PITPNM1: variants seen among roughly 807,000 people sequenced by gnomAD.
The protein encoded by PITPNM1 is membrane-associated phosphatidylinositol transfer protein 1.
PITPNM1 carries 74 observed loss-of-function variants against 133.3 expected under a neutral mutation model. The ratio of observed to expected loss-of-function variants is 0.56; its 90% CI spans 0.46 to 0.67. The LOEUF (loss-of-function observed/expected upper bound fraction) is 0.67, where lower values mean the gene tolerates loss of function less well. Ranked by LOEUF, PITPNM1 falls within the 30% of genes least tolerant of loss-of-function variation. The probability of loss-of-function intolerance (pLI) is 0.00; values close to 1 mark genes in which losing one functional copy is unlikely to be tolerated. For missense variants in PITPNM1, 1,398 were observed against 1,739.5 expected (o/e 0.80, Z 3.49); for synonymous variants, 738 against 741.4 (o/e 1.00, Z 0.08).
At position 67,492,517 on chromosome 11, in the gene PITPNM1, C is replaced by T. The variant is rs535305907; in HGVS notation, c.3472-221G>A. 5.9e-5 allele frequency among the ~76,000 whole-genome samples: 9 copies of T among 152,354 alleles called. No individual in the cohort carries two copies. In the South Asian group the frequency reaches 1.2e-3, roughly 21 times the overall value. On this transcript the variant is annotated intron_variant, in intron 23 of 23. Transcript: ENST00000356404. ...CTTCTCTGGGCCTCAGTCTCCTCAT[C>T]TGGAAAATGGGGTCTTAGAGGAAAA...
chr11:67,501,858 TCACCTA>T lies in PITPNM1; in HGVS notation c.638_640+3del, dbSNP rs775620199. 6.2e-7 allele frequency: 1 copy of T among 1,613,114 alleles called. No individual in the cohort carries two copies. Among genetic ancestry groups the T allele is most frequent in the Non-Finnish European group, 8.5e-7 (1 of 1,179,550 alleles). On this transcript the variant is annotated splice_donor_variant and splice_donor_region_variant and coding_sequence_variant and intron_variant, in exon 5 of 24. Coordinates refer to ENST00000356404, the MANE Select transcript of PITPNM1 (RefSeq NM_004910.3). LOFTEE classifies it high-confidence loss of function. ...AGTGGGACCTCCCGCAGCTGGGTGC[TCACCTA>T]CATCATGGATGAACTGCTCGATCTT... is the stretch of plus-strand genomic sequence containing the variant.
intron 23 of PITPNM1, 63 bp from the exon 24 acceptor site, chr11:67,492,359 CGGTCCTCCAG>C: frequency 6.9e-7 from 1 of 1,459,090 alleles, no homozygotes; most frequent in East Asian, 2.4e-5. Context: ...CTGCCCTCCA[CGGTCCTCCAG>C]AGGCACCTGA....
rs748423785 is a variant in PITPNM1 at position 67,493,953 on chromosome 11, T to A, written c.2977A>T (p.Ile993Phe). The part of the protein sequence containing the change: ...FPVPPERALG[I>F]GVYPVRMVVR... ...ACCATGCGCACGGGGTAGACACCAA[T>A]GCCCAGCGCGCGTTCTGGGGGAACT... The change falls in exon 20 of 24, where the codon ATT (isoleucine) becomes TTT (phenylalanine). Residue 993 changes from isoleucine to phenylalanine, a missense_variant. Around this residue, in one of 5 missense-constraint regions of PITPNM1, gnomAD observed 233 missense variants for 378.0 expected, o/e 0.62. Transcript: ENST00000356404. 31 of 1,604,226 alleles carry A rather than the reference T, an allele frequency of 1.9e-5. No homozygotes were observed. The highest frequency in any genetic ancestry group is 2.6e-5 in the Non-Finnish European group (30 of 1,175,442).
intron 15 of PITPNM1, 121 bp downstream of exon 15, chr11:67,496,057 C>G (rs1866110168): frequency 1.0e-6 from 1 of 965,612 alleles, no homozygotes; most frequent in Non-Finnish European, 1.4e-6. Context: ...AGCGCCTGGT[C>G]CTGGGAGTGG....
rs1427105206 is a variant in PITPNM1 at position 67,501,910 on chromosome 11, G to A, written c.592C>T (p.Arg198Cys). 3 of 1,613,482 alleles carry A rather than the reference G, an allele frequency of 1.9e-6. No individual in the cohort carries two copies. The highest frequency in any genetic ancestry group is 1.3e-5 in the African/African-American group (1 of 74,928). Residue 198 changes from arginine to cysteine, a missense_variant, in exon 5 of 24, where the codon CGC becomes TGC. Arg to Cys is a radical substitution (Grantham distance 180). Coordinates refer to ENST00000356404, the MANE Select transcript of PITPNM1 (RefSeq NM_004910.3). Reference protein sequence around the residue: ...CAYKLCKVEFRYWGMQAKIEQ... With the variant: ...CAYKLCKVEFCYWGMQAKIEQ... ...ATCTTGGCTTGCATGCCCCAGTAGC[G>A]GAACTCAACCTTGCACAGCTTATAG...
intron 5 of PITPNM1, among the ~76,000 whole-genome samples, chr11:67,501,566 G>C (rs1866321832): frequency 6.6e-6 from 1 of 152,218 alleles, no homozygotes; most frequent in Non-Finnish European, 1.5e-5. Flanking sequence ...ACCTTCCTGA[G>C]TGTCTCTAAG....
chr11:67,495,462 T>C lies in PITPNM1; in HGVS notation c.2458A>G (p.Ser820Gly), dbSNP rs751517573. The change falls in exon 16 of 24, where the codon AGC (serine) becomes GGC (glycine). Residue 820 changes from serine to glycine, a missense_variant. Ser to Gly is a moderately conservative substitution (Grantham distance 56). Around this residue, in one of 5 missense-constraint regions of PITPNM1, gnomAD observed 574 missense variants for 698.7 expected, o/e 0.82. Coordinates refer to ENST00000356404, the MANE Select transcript of PITPNM1 (RefSeq NM_004910.3). ...CTCTTAACCACCTCACTGGTGGTGC[T>C]GGGGGCGGCTGGCTGGGCCGGGGGG... Reference protein sequence around the residue: ...TDPPAQPAAPSTTSEVVKILE... With the variant: ...TDPPAQPAAPGTTSEVVKILE... The C allele has an allele frequency of 1.9e-5, 29 of 1,539,184 alleles. No individual in the cohort carries two copies. The highest frequency in any genetic ancestry group is 2.4e-5 in the Non-Finnish European group (27 of 1,142,546).
chr11:67,502,251 T>G lies in PITPNM1; in HGVS notation c.415+41A>C, dbSNP rs1423377206. On this transcript the variant is annotated intron_variant, in intron 4 of 23. Coordinates refer to ENST00000356404, the MANE Select transcript of PITPNM1 (RefSeq NM_004910.3). The surrounding 1 kb of genome is among the most constrained non-coding windows in gnomAD (Gnocchi z 5.9). ...CTGCCCACTGAGGCAGCCAGGAGCCTGAGAGGGGCGCCAGGGTCCCCCCAT... is the reference window on the plus strand; with the variant it reads ...CTGCCCACTGAGGCAGCCAGGAGCCGGAGAGGGGCGCCAGGGTCCCCCCAT... 6.2e-7 allele frequency: 1 copy of G among 1,601,854 alleles called. No individual in the cohort carries two copies. Among genetic ancestry groups the G allele is most frequent in the Admixed American group, 1.7e-5 (1 of 59,302 alleles).
In PITPNM1 at chr11:67,492,991, G is replaced by C; in HGVS notation, c.3414C>G (p.Ser1138=). The C allele has an allele frequency of 1.2e-6, 2 of 1,612,982 alleles. No individual in the cohort carries two copies. Among genetic ancestry groups the C allele is most frequent in the Non-Finnish European group, 1.7e-6 (2 of 1,179,940 alleles). The change falls in exon 23 of 24, where the codon TCC becomes TCG. Residue 1138 remains serine (S), a synonymous_variant. Coordinates refer to ENST00000356404, the MANE Select transcript of PITPNM1 (RefSeq NM_004910.3). ...DVAVYAALGL[S]PSQTYIVGRA... ...GGCCCACGATGTAGGTCTGGCTCGG[G>C]GACAGCCCCAGCGCCGCGTATACAG... is the stretch of plus-strand genomic sequence containing the variant.
At position 67,502,064 on chromosome 11, in the gene PITPNM1, AT is replaced by A. The variant is rs1391388320; in HGVS notation, c.437del (p.Asp146ValfsTer68). ...RILDTIDIVR[D>X]AVAPGEYKAE... Reference sequence around the variant, plus strand: ...CTTTGTACTCGCCTGGGGCCACTGCATCCCGCACGATGTCGATGGTGTCTGA... The same window carrying A: ...CTTTGTACTCGCCTGGGGCCACTGCACCCGCACGATGTCGATGGTGTCTGA... On this transcript the variant is annotated frameshift_variant, in exon 5 of 24. Transcript: ENST00000356404. LOFTEE classifies it high-confidence loss of function. The surrounding 1 kb of genome is among the most constrained non-coding windows in gnomAD (Gnocchi z 5.9). 6.2e-7 allele frequency: 1 copy of A among 1,612,708 alleles called. No individual in the cohort carries two copies. Among genetic ancestry groups the A allele is most frequent in the Non-Finnish European group, 8.5e-7 (1 of 1,179,722 alleles).
chr11:67,495,860 G>A (rs79308709), intron 15 of PITPNM1, among the ~76,000 whole-genome samples: 8,020 of 152,312 alleles, frequency 0.053, 703 homozygotes, highest in African/African-American at 0.18. Context: ...GGCATGCCCC[G>A]CAATAAATGT....
At chr11:67,494,457 G>A in intron 18 of PITPNM1, 97 bp from the exon 19 acceptor site, 1 of 812,308 alleles carries the variant, frequency 1.2e-6, no homozygotes, top group Non-Finnish European at 1.9e-6. Flanking sequence ...CACCGGGGTG[G>A]GGGCCTAGAG....
In PITPNM1 at chr11:67,494,364, G is replaced by A. The variant is rs948722627; in HGVS notation, c.2743-4C>T. The A allele has an allele frequency of 6.3e-7, 1 of 1,590,928 alleles. No individual in the cohort carries two copies. The highest frequency in any genetic ancestry group is 8.6e-7 in the Non-Finnish European group (1 of 1,167,650). ...CCCGGTGGTTGGAAGTGACGTTCTA[G>A]AGGGAGGAGAGGGCGTGAGTCCGCG... On this transcript the variant is annotated splice_region_variant and splice_polypyrimidine_tract_variant and intron_variant, in intron 18 of 23. Coordinates refer to ENST00000356404, the MANE Select transcript of PITPNM1 (RefSeq NM_004910.3).
In PITPNM1 at chr11:67,502,464, C is replaced by T. The variant is rs1327955504; in HGVS notation, c.293+40G>A. On this transcript the variant is annotated intron_variant, in intron 3 of 23. Coordinates refer to ENST00000356404, the MANE Select transcript of PITPNM1 (RefSeq NM_004910.3). This position sits in a 1 kb window ranked among gnomAD's most constrained non-coding sequence, Gnocchi z 5.9. ...CACTGCTGTACCCACCAGGGCCGCT[C>T]CCCTCCTGGCCTCGGACCATGCCCA... 6.2e-7 allele frequency: 1 copy of T among 1,613,450 alleles called. No individual in the cohort carries two copies. The highest frequency in any genetic ancestry group is 8.5e-7 in the Non-Finnish European group (1 of 1,179,882).
In PITPNM1 at chr11:67,504,205, C is replaced by G; in HGVS notation, c.-25G>C. The G allele has an allele frequency of 1.3e-6, 2 of 1,562,798 alleles. No individual in the cohort carries two copies. The highest frequency in any genetic ancestry group is 8.7e-7 in the Non-Finnish European group (1 of 1,154,110). On this transcript the variant is annotated 5_prime_UTR_variant, in exon 2 of 24. Coordinates refer to ENST00000356404, the MANE Select transcript of PITPNM1 (RefSeq NM_004910.3). This position sits in a 1 kb window ranked among gnomAD's most constrained non-coding sequence, Gnocchi z 5.4. ...TCCTGAAGGCGCTCGGCGGGCCGCG[C>G]GCGGCCTCCGCTCCTCCTGGCGCAG... is the stretch of plus-strand genomic sequence containing the variant.
At chr11:67,493,348 G>T in intron 22 of PITPNM1, 62 bp downstream of exon 22, 1 of 1,453,584 alleles carries the variant, frequency 6.9e-7, no homozygotes, top group Non-Finnish European at 9.3e-7. Context: ...CCGATCCGGG[G>T]GTGGAGGGTA....
Position 67,498,136 on chromosome 11 carries a change from C to T in PITPNM1, c.1671G>A (p.Gly557=). ...TGGACTGTCCCTAACCGCTGACCTG[C>T]CCACAGAAGCCGGCACCCTCAGGTG... is the stretch of plus-strand genomic sequence containing the variant. ...LRSPEGAGFC[G]QVALIGDGVG... is the part of the protein sequence containing the mutation. Residue 557 remains glycine, a synonymous_variant, in exon 11 of 24, where the codon GGG becomes GGA. Coordinates refer to ENST00000356404, the MANE Select transcript of PITPNM1 (RefSeq NM_004910.3). The surrounding 1 kb of genome is among the most constrained non-coding windows in gnomAD (Gnocchi z 5.7). 4 of 1,612,472 alleles carry T rather than the reference C, an allele frequency of 2.5e-6. No individual in the cohort carries two copies. The highest frequency in any genetic ancestry group is 3.4e-6 in the Non-Finnish European group (4 of 1,179,912).
intron 8 of PITPNM1, among the ~76,000 whole-genome samples, 195 bp from the exon 9 acceptor site, chr11:67,499,196 A>AGGGCTGCCTCTCCACACAATGCCT (rs973216784): frequency 6.6e-6 from 1 of 152,156 alleles, no homozygotes; most frequent in Non-Finnish European, 1.5e-5. Flanking sequence ...TATTGCAGTC[A>AGGGCTGCCTCTCCACACAATGCCT]GGGCTGCCTC....
chr11:67,499,138 A>C, intron 8 of PITPNM1, 137 bp from the exon 9 acceptor site: 1 of 784,998 alleles, frequency 1.3e-6, no homozygotes, highest in Non-Finnish European at 2.0e-6. Context: ...CCTCCCACCA[A>C]CTCTCCCAGG....
Sources: allele counts gnomAD v4.1 joint callset (sites outside exome capture counted in the v4.1 genomes callset), GRCh38; gene constraint gnomAD v4.1.1; regional missense constraint gnomAD v4.1.1; non-coding constraint Gnocchi (gnomAD v3.1); transcripts MANE v1.5; gene names NCBI Gene and HGNC (gene_info 2026-07-23, HGNC 2026-07-21).